Variants in CLVS1 observed in about 807,000 individuals in gnomAD.
CLVS1 encodes the protein clavesin-1.
Under a neutral mutation model 33.1 loss-of-function variants are expected in CLVS1, and 10 were observed. That is an observed-to-expected ratio of 0.30 (90% CI 0.19 to 0.51). The LOEUF (loss-of-function observed/expected upper bound fraction) is 0.51. CLVS1 is among the 20% of genes least tolerant of loss of function. The probability of loss-of-function intolerance (pLI) is 0.97; values close to 1 mark genes in which losing one functional copy is unlikely to be tolerated. For missense variants in CLVS1, 343 were observed against 433.4 expected (o/e 0.79, Z 1.85); for synonymous variants, 163 against 166.1 (o/e 0.98, Z 0.14).
At chr8:61,452,677 C>T (rs1817005338) in intron 3 of CLVS1, among the ~76,000 whole-genome samples, 1 of 152,152 alleles carries the variant, frequency 6.6e-6, no homozygotes, top group African/African-American at 2.4e-5. Context: ...CTCTCTAGCC[C>T]TACACTTGTT....
At chr8:61,296,523 G>A (rs1001102978) in intron 1 of CLVS1, among the ~76,000 whole-genome samples, 2 of 152,198 alleles carry the variant, frequency 1.3e-5, no homozygotes, top group Admixed American at 1.3e-4. Flanking sequence ...CCATGGCTTG[G>A]AACTGTGAAC....
the CLVS1 span, among the ~76,000 whole-genome samples, chr8:61,039,494 G>T: frequency 6.6e-6 from 1 of 151,942 alleles, no homozygotes; most frequent in Non-Finnish European, 1.5e-5. Context: ...GTTTCCACCG[G>T]TTAATTGTTG....
chr8:61,252,211 A>T (rs1026887452), intron 2 of CLVS1, among the ~76,000 whole-genome samples: 2 of 152,108 alleles, frequency 1.3e-5, no homozygotes, highest in Non-Finnish European at 2.9e-5. Flanking sequence ...TTCAGTTTCC[A>T]TGTAGTTTTG....
intron 5 of CLVS1, among the ~76,000 whole-genome samples, chr8:61,494,155 G>A (rs902814516): frequency 1.3e-4 from 20 of 152,102 alleles, no homozygotes; most frequent in African/African-American, 3.1e-4. Context: ...TTTTCATCTC[G>A]TTCTTCATGA....
At chr8:61,053,626 T>G (rs55668755), upstream of CLVS1, among the ~76,000 whole-genome samples, 971 of 152,060 alleles carry the variant, frequency 6.4e-3, 11 homozygotes, top group African/African-American at 0.022. Context: ...TACAGGGAGC[T>G]CCTCCCCTGG....
At chr8:61,164,498 G>A (rs1806815831) in intron 2 of CLVS1, among the ~76,000 whole-genome samples, 1 of 152,116 alleles carries the variant, frequency 6.6e-6, no homozygotes, top group Admixed American at 6.5e-5. Context: ...CCCAACATCT[G>A]TCTGACAACA....
chr8:61,306,963 G>T (rs2129595168), intron 2 of CLVS1, among the ~76,000 whole-genome samples: 1 of 152,330 alleles, frequency 6.6e-6, no homozygotes, highest in East Asian at 1.9e-4. Flanking sequence ...CTCTGAGATA[G>T]TTCAGTTGTG....
At chr8:61,311,774 A>G (rs1019069091) in intron 2 of CLVS1, among the ~76,000 whole-genome samples, 2 of 152,358 alleles carry the variant, frequency 1.3e-5, no homozygotes, top group Admixed American at 6.5e-5. Flanking sequence ...TCTGATGGCT[A>G]GAAGTCCAAG....
At chr8:61,118,057 A>G (rs1243760055) in intron 1 of CLVS1, among the ~76,000 whole-genome samples, 1 of 152,008 alleles carries the variant, frequency 6.6e-6, no homozygotes, top group Non-Finnish European at 1.5e-5. Flanking sequence ...AGATCCTGTT[A>G]TTGGTCTATT....
the CLVS1 span, among the ~76,000 whole-genome samples, chr8:61,037,990 A>G: frequency 6.6e-6 from 1 of 152,182 alleles, no homozygotes; most frequent in Non-Finnish European, 1.5e-5. Context: ...AAACCAGGGC[A>G]GTGCAGAGTG....
At position 61,121,973 on chromosome 8, in the gene CLVS1, G is replaced by A. The variant is rs939088101; in HGVS notation, c.-242-9797G>A. Among the ~76,000 whole-genome samples, 5 of 152,318 alleles carry A rather than the reference G, an allele frequency of 3.3e-5. No homozygotes were observed. In the East Asian group the frequency reaches 9.6e-4, roughly 29 times the overall value. ...ATACAACAGGAGGACTCAACACAGT[G>A]GGAGGTAAAGAATTAGAATCCACTG... On this transcript the variant is annotated intron_variant, in intron 1 of 2. Coordinates refer to the CLVS1 transcript ENST00000522621.
chr8:61,283,969 A>G (rs149092679), upstream of CLVS1, among the ~76,000 whole-genome samples: 4 of 152,314 alleles, frequency 2.6e-5, no homozygotes, highest in African/African-American at 7.2e-5. Context: ...ATTCCAATAT[A>G]TGGAATCGGC....
chr8:61,090,983 C>A, intron 1 of CLVS1: 1 of 452,786 alleles, frequency 2.2e-6, no homozygotes, highest in South Asian at 1.5e-5. Context: ...TGATTAATGA[C>A]CCATGCCCCC....
intron 2 of CLVS1, among the ~76,000 whole-genome samples, chr8:61,245,418 C>T (rs1423083067): frequency 2.0e-5 from 3 of 152,210 alleles, no homozygotes; most frequent in South Asian, 2.1e-4. Flanking sequence ...ATCTCCTGAA[C>T]TTGTGATCTG....
intron 5 of CLVS1, among the ~76,000 whole-genome samples, chr8:61,496,630 G>T (rs1039889337): frequency 2.7e-5 from 4 of 149,528 alleles, no homozygotes; most frequent in South Asian, 2.2e-4. Flanking sequence ...GTTCAGCTTG[G>T]TATATAAGGT....
chr8:61,159,677 T>C (rs781256027), intron 2 of CLVS1, among the ~76,000 whole-genome samples: 2 of 152,246 alleles, frequency 1.3e-5, no homozygotes, highest in South Asian at 4.1e-4. Flanking sequence ...GAATATGAAA[T>C]GTCATGAGTC....
At chr8:61,074,406 TATATAA>T (rs1804864732) in intron 1 of CLVS1, among the ~76,000 whole-genome samples, 1 of 145,022 alleles carries the variant, frequency 6.9e-6, no homozygotes, top group African/African-American at 2.6e-5. Flanking sequence ...ATGTTATATA[TATATAA>T]GTATATGTGT....
chr8:61,109,563 T>C (rs1422797784), intron 1 of CLVS1, among the ~76,000 whole-genome samples: 1 of 152,252 alleles, frequency 6.6e-6, no homozygotes, highest in East Asian at 1.9e-4. Context: ...GTTGGTCATC[T>C]GAAGTTCAAA....
At chr8:61,303,224 A>G (rs1344882101) in intron 2 of CLVS1, among the ~76,000 whole-genome samples, 1 of 152,210 alleles carries the variant, frequency 6.6e-6, no homozygotes, top group African/African-American at 2.4e-5. Flanking sequence ...AAAATATTTT[A>G]TTTTGTGTTA....
Sources: gnomAD v4.1 joint callset for allele counts (sites outside exome capture counted in the v4.1 genomes callset) on GRCh38, gnomAD v4.1.1 for gene constraint, MANE v1.5 for transcripts, NCBI Gene and HGNC (gene_info 2026-07-23, HGNC 2026-07-21) for gene names.